UTP4: variants seen among roughly 807,000 people sequenced by gnomAD.
UTP4 encodes the protein U3 small nucleolar RNA-associated protein 4 homolog.
Under a neutral mutation model 82.4 loss-of-function variants are expected in UTP4, and 45 were observed. The ratio of observed to expected loss-of-function variants is 0.55; its 90% CI spans 0.43 to 0.70. UTP4 has a LOEUF of 0.70. Among genes scored for constraint, UTP4 ranks in the 30% least tolerant of loss-of-function variants. The pLI is 0.00. For synonymous variants in UTP4, 348 were observed against 300.3 expected (o/e 1.16, Z -1.64); for missense variants, 819 against 858.3 (o/e 0.95, Z 0.57).
intron 5 of UTP4, among the ~76,000 whole-genome samples, chr16:69,141,816 CTCTT>C (rs901672036): frequency 2.6e-5 from 4 of 150,986 alleles, no homozygotes; most frequent in Admixed American, 2.6e-4. Context: ...AGAAACTCTT[CTCTT>C]TCTTTTTTTA....
chr16:69,161,829 A>C (rs1376477185), intron 13 of UTP4, among the ~76,000 whole-genome samples: 5 of 151,950 alleles, frequency 3.3e-5, no homozygotes, highest in Non-Finnish European at 5.9e-5. Flanking sequence ...ACACCTAGCT[A>C]ATCTTTTTTT....
intron 12 of UTP4, among the ~76,000 whole-genome samples, chr16:69,159,905 T>C (rs1007823788): frequency 6.6e-6 from 1 of 151,434 alleles, no homozygotes; most frequent in Admixed American, 6.6e-5. Flanking sequence ...GGTGAATCAC[T>C]TGAATTTGGG....
intron 2 of UTP4, 113 bp downstream of exon 2, chr16:69,133,731 A>T: frequency 8.8e-7 from 1 of 1,132,090 alleles, no homozygotes; most frequent in Non-Finnish European, 1.3e-6. Flanking sequence ...AGCCCCTCTG[A>T]AGTTGCTTAG....
In UTP4 at chr16:69,163,880, G is replaced by GTTTTT. The variant is rs201368311; in HGVS notation, c.1647+705_1647+706insTTTTT. Reference sequence around the variant, plus strand: ...ATGATGCTTACTGCTTTGATGGTCAGTTTGTTTTTTTTTTTTTTTTTTTGA... The same window carrying GTTTTT: ...ATGATGCTTACTGCTTTGATGGTCAGTTTTTTTTGTTTTTTTTTTTTTTTTTTTGA... On this transcript the variant is annotated intron_variant, in intron 14 of 16. Coordinates refer to ENST00000314423, the MANE Select transcript of UTP4 (RefSeq NM_032830.3). 1.1e-4 allele frequency among the ~76,000 whole-genome samples: 15 copies of GTTTTT among 132,630 alleles called. 1 individual carries two copies. Among genetic ancestry groups the GTTTTT allele is most frequent in the African/African-American group, 3.8e-4 (13 of 34,654 alleles). 87.0% of individuals were successfully genotyped at this position (132,630 alleles called of 152,430 possible). A position where few individuals can be genotyped will look rare whatever the true frequency, so the allele number is the denominator to read the frequency against.
In UTP4 at chr16:69,136,770, G is replaced by A; in HGVS notation, c.234G>A (p.Gly78=). Residue 78 remains glycine (G), a synonymous_variant, in exon 3 of 17, where the codon GGG becomes GGA. Transcript: ENST00000314423. ...WAEGQRLFSA[G]LNGEIMEYDL... ...AAGGACAGCGACTCTTTAGTGCTGG[G>A]CTCAATGGCGAGATTATGGAGTATG... The A allele has an allele frequency of 6.2e-7, 1 of 1,614,142 alleles. No homozygotes were observed. The highest frequency in any genetic ancestry group is 1.1e-5 in the South Asian group (1 of 91,076).
intron 9 of UTP4, 107 bp downstream of exon 9, chr16:69,153,787 G>A: frequency 1.3e-6 from 1 of 785,080 alleles, no homozygotes; most frequent in Non-Finnish European, 2.2e-6. Flanking sequence ...AGACTTTTGT[G>A]TCCATTTTAA....
chr16:69,136,930 G>C (rs373783176), intron 3 of UTP4, 43 bp downstream of exon 3: 1 of 1,542,992 alleles, frequency 6.5e-7, no homozygotes, highest in Non-Finnish European at 9.0e-7. Context: ...AATTTCTCTC[G>C]TGCCTGCTCA....
intron 13 of UTP4, among the ~76,000 whole-genome samples, chr16:69,162,725 AAG>A (rs1460824744): frequency 6.6e-6 from 1 of 150,448 alleles, no homozygotes; most frequent in Non-Finnish European, 1.5e-5. Context: ...AAAAAAAAAA[AAG>A]AAAAACAAAA....
chr16:69,167,259 G>A lies in UTP4; in HGVS notation c.1944+74G>A, dbSNP rs77267810. ...CCAAAATGTAATAAACTCCACAATC[G>A]GAAGATAAGAGCACCTTCAGTTTCC... On this transcript the variant is annotated intron_variant, in intron 16 of 16. Transcript: ENST00000314423. 1,142 of 1,001,870 alleles carry A rather than the reference G, an allele frequency of 1.1e-3. 5 individuals are homozygous for A. The African/African-American group carries it at 0.017, about 15-fold the overall frequency. The allele number at this position is 1,001,870 out of a possible 1,614,324, so 62.1% of individuals were successfully genotyped here. A position where few individuals can be genotyped will look rare whatever the true frequency, so the allele number is the denominator to read the frequency against.
At position 69,157,078 on chromosome 16, in the gene UTP4, C is replaced by A. The variant is rs759972840; in HGVS notation, c.1288-6C>A. On this transcript the variant is annotated splice_region_variant and splice_polypyrimidine_tract_variant and intron_variant, in intron 11 of 16. Coordinates refer to ENST00000314423, the MANE Select transcript of UTP4 (RefSeq NM_032830.3). ...TCACTGGCTTTTATTATTGGTTCAC[C>A]CAAAGGTTTCCAAAATGCCAGCATT... 6 of 1,613,968 alleles carry A rather than the reference C, an allele frequency of 3.7e-6. No homozygotes were observed. Among genetic ancestry groups the A allele is most frequent in the Non-Finnish European group, 5.1e-6 (6 of 1,180,008 alleles).
Position 69,143,397 on chromosome 16 carries a change from C to T in UTP4, c.738+8C>T, listed in dbSNP as rs1293352506. 19 of 1,612,966 alleles carry T rather than the reference C, an allele frequency of 1.2e-5. No homozygotes were observed. Among genetic ancestry groups the T allele is most frequent in the Non-Finnish European group, 1.6e-5 (19 of 1,178,996 alleles). Reference sequence around the variant, plus strand: ...TCCATTGCTGTAGCTGACGTGAGTACAGTCCCTGTTTAGAGTGGTTGATGT... The same window carrying T: ...TCCATTGCTGTAGCTGACGTGAGTATAGTCCCTGTTTAGAGTGGTTGATGT... On this transcript the variant is annotated splice_region_variant and intron_variant, in intron 6 of 16. Coordinates refer to ENST00000314423, the MANE Select transcript of UTP4 (RefSeq NM_032830.3).
In UTP4 at chr16:69,143,188, T is replaced by G. The variant is rs765534105; in HGVS notation, c.537T>G (p.Val179=). 2.5e-6 allele frequency: 4 copies of G among 1,614,188 alleles called. No homozygotes were observed. The highest frequency in any genetic ancestry group is 3.4e-6 in the Non-Finnish European group (4 of 1,180,000). The change falls in exon 6 of 17, where the codon GTT becomes GTG. Residue 179 remains valine (V), a synonymous_variant. Transcript: ENST00000314423. ...TTTCTGATTTTTCAGGCAGCGCTGT[T>G]CATAAGATGATTGTGGACAGGCAGT... The part of the protein sequence containing the change: ...SVFDVKSGSA[V]HKMIVDRQYM...
chr16:69,155,527 AG>A (rs1963388081), intron 10 of UTP4, among the ~76,000 whole-genome samples: 1 of 152,218 alleles, frequency 6.6e-6, no homozygotes, highest in African/African-American at 2.4e-5. Flanking sequence ...TACACAAAAC[AG>A]AAAATAAGTA....
At chr16:69,140,050 C>G (rs1162917514) in intron 5 of UTP4, 136 bp downstream of exon 5, 8 of 732,324 alleles carry the variant, frequency 1.1e-5, no homozygotes, top group Non-Finnish European at 2.0e-5. Context: ...GAGATGTCCA[C>G]AATTAATTTT....
intron 2 of UTP4, 97 bp downstream of exon 2, chr16:69,133,715 C>G: frequency 7.8e-7 from 1 of 1,275,596 alleles, no homozygotes. Context: ...GATTGAGTGA[C>G]TTCCTAGCCC....
chr16:69,139,491 T>A (rs1429935667), intron 4 of UTP4, among the ~76,000 whole-genome samples: 17 of 151,028 alleles, frequency 1.1e-4, no homozygotes. Flanking sequence ...ATACAAAAAT[T>A]AGCCAGACAT....
intron 4 of UTP4, among the ~76,000 whole-genome samples, chr16:69,139,396 T>C (rs919877428): frequency 2.0e-5 from 3 of 151,636 alleles, no homozygotes; most frequent in African/African-American, 7.3e-5. Flanking sequence ...CCCAGTACTT[T>C]GGGAGGCTGA....
At chr16:69,163,497 G>A (rs906656200) in intron 14 of UTP4, among the ~76,000 whole-genome samples, 2 of 152,040 alleles carry the variant, frequency 1.3e-5, no homozygotes, top group African/African-American at 4.8e-5. Flanking sequence ...GTATTAAACT[G>A]GATATGGGAT....
chr16:69,154,342 CA>C, intron 9 of UTP4, 50 bp from the exon 10 acceptor site: 1 of 1,415,168 alleles, frequency 7.1e-7, no homozygotes, highest in Non-Finnish European at 1.0e-6. Context: ...GAAAAATGTA[CA>C]AATACTCTTT....
Sources: gnomAD v4.1 joint callset for allele counts (sites outside exome capture counted in the v4.1 genomes callset) on GRCh38, gnomAD v4.1.1 for gene constraint, MANE v1.5 for transcripts, NCBI Gene and HGNC (gene_info 2026-07-23, HGNC 2026-07-21) for gene names.